The following ZBTB11 variants were observed in gnomAD, a reference collection of about 807,000 sequenced individuals.
ZBTB11 encodes the protein zinc finger and BTB domain containing 11.
ZBTB11 carries 68 observed loss-of-function variants against 113.1 expected under a neutral mutation model. The observed-to-expected ratio is 0.60, with a 90% CI of 0.49 to 0.74. The LOEUF (loss-of-function observed/expected upper bound fraction) is 0.74. ZBTB11 is among the 30% of genes least tolerant of loss of function. The pLI, the probability that ZBTB11 is intolerant of heterozygous loss-of-function variation, is 0.00. For synonymous variants in ZBTB11, 518 were observed against 452.6 expected (o/e 1.14, Z -1.83); for missense variants, 1,104 against 1,279.4 (o/e 0.86, Z 2.09).
chr3:101,676,678 G>A lies in ZBTB11; in HGVS notation c.237C>T (p.His79=). The change falls in exon 1 of 11, where the codon CAC becomes CAT. Residue 79 remains histidine (H), a synonymous_variant. Transcript: ENST00000312938. ...TGTGGTGAGTGCCGCCGGGACCCAG[G>A]TGCGCCGCCTCGATGAGGTCCCGGC... ...ERRRDLIEAA[H]LGPGGTHHTR... 3 of 1,594,986 alleles carry A rather than the reference G, an allele frequency of 1.9e-6. No individual in the cohort carries two copies. The highest frequency in any genetic ancestry group is 2.6e-6 in the Non-Finnish European group (3 of 1,169,382).
At chr3:101,672,474 C>T (rs1021399406) in intron 1 of ZBTB11, among the ~76,000 whole-genome samples, 13 of 152,152 alleles carry the variant, frequency 8.5e-5, no homozygotes. Flanking sequence ...CTATATAGCT[C>T]CACCCATTTT....
At position 101,676,978 on chromosome 3, in the gene ZBTB11, C is replaced by T; in HGVS notation, c.-64G>A. ...GGTGAGGAAAACGGCCCGCTACCTA[C>T]GGGCGGCTGCAGGAGGAGCGGCGGC... On this transcript the variant is annotated 5_prime_UTR_variant, in exon 1 of 11. Coordinates refer to ENST00000312938, the MANE Select transcript of ZBTB11 (RefSeq NM_014415.4). 2.7e-6 allele frequency: 4 copies of T among 1,479,906 alleles called. No individual in the cohort carries two copies. The highest frequency in any genetic ancestry group is 3.6e-6 in the Non-Finnish European group (4 of 1,114,160). The allele number at this position is 1,479,906 out of a possible 1,614,324, so 91.7% of individuals were successfully genotyped here.
chr3:101,658,522 C>A (rs537031056), intron 6 of ZBTB11, among the ~76,000 whole-genome samples: 62 of 152,004 alleles, frequency 4.1e-4, no homozygotes, highest in Non-Finnish European at 7.7e-4. Context: ...CTGTACCCGG[C>A]CAATTAATTA....
intron 1 of ZBTB11, among the ~76,000 whole-genome samples, chr3:101,676,245 C>T (rs996288234): frequency 1.3e-5 from 2 of 151,984 alleles, no homozygotes. Flanking sequence ...GCAGCCTCCA[C>T]TGCCGCGAGC....
At chr3:101,676,523 T>A in intron 1 of ZBTB11, 82 bp downstream of exon 1, 1 of 1,357,030 alleles carries the variant, frequency 7.4e-7, no homozygotes, top group Non-Finnish European at 9.6e-7. Flanking sequence ...CTCCGACTCG[T>A]GGGTACGCAT....
intron 3 of ZBTB11, among the ~76,000 whole-genome samples, chr3:101,668,134 G>A (rs982619148): frequency 3.0e-5 from 3 of 101,638 alleles, no homozygotes; most frequent in South Asian, 3.3e-4. Flanking sequence ...CACTCATATG[G>A]GGGAGCTAAA....
In ZBTB11 at chr3:101,665,098, C is replaced by T; in HGVS notation, c.1489G>A (p.Gly497Ser). ...CTTCTATAAGTATCATCATCAGGGC[C>T]AAAGTCTGTCTTTGCTGTTGATGCA... ...LVASTAKTDF[G>S]PDDDTYRSRL... The change falls in exon 4 of 11, where the codon GGC becomes AGC. Residue 497 changes from glycine (G) to serine (S), a missense_variant. Gly to Ser is a moderately conservative substitution (Grantham distance 56). Coordinates refer to ENST00000312938, the MANE Select transcript of ZBTB11 (RefSeq NM_014415.4). The T allele has an allele frequency of 6.2e-7, 1 of 1,614,128 alleles. No individual in the cohort carries two copies. Among genetic ancestry groups the T allele is most frequent in the South Asian group, 1.1e-5 (1 of 91,080 alleles).
rs750002917 is a variant in ZBTB11 at position 101,676,892 on chromosome 3, C to T, written c.23G>A (p.Arg8Gln). The change falls in exon 1 of 11, where the codon CGG becomes CAG. Residue 8 changes from arginine to glutamine, a missense_variant. This residue lies in a region of ZBTB11 where 245 missense variants were observed against 272.5 expected (regional missense o/e 0.90). Coordinates refer to ENST00000312938, the MANE Select transcript of ZBTB11 (RefSeq NM_014415.4). MSSEESY[R>Q]AILRYLTNER... is the part of the protein sequence containing the mutation. ...GTTCGTCAGGTAACGCAGGATGGCC[C>T]GGTAGCTTTCCTCGCTTGACATCGC... 6.3e-7 allele frequency: 1 copy of T among 1,582,746 alleles called. No individual in the cohort carries two copies. Among genetic ancestry groups the T allele is most frequent in the Non-Finnish European group, 8.6e-7 (1 of 1,160,392 alleles).
In ZBTB11 at chr3:101,672,015, G is replaced by T; in HGVS notation, c.509C>A (p.Ala170Glu). Residue 170 changes from alanine to glutamate, a missense_variant, in exon 2 of 11, where the codon GCA (alanine) becomes GAA (glutamate). By Grantham distance (107) the Ala-to-Glu change is moderately radical. This residue lies in a region of ZBTB11 where 245 missense variants were observed against 272.5 expected (regional missense o/e 0.90). Coordinates refer to ENST00000312938, the MANE Select transcript of ZBTB11 (RefSeq NM_014415.4). Reference sequence around the variant, plus strand: ...ATGTTTGGATACTGGCTTCTTTTTTGCAGGCTTGGATGCTGTAGTTGGAGA... The same window carrying T: ...ATGTTTGGATACTGGCTTCTTTTTTTCAGGCTTGGATGCTGTAGTTGGAGA... Reference protein sequence around the residue: ...TSSPTTASKPAKKKPVSKHEL... With the variant: ...TSSPTTASKPEKKKPVSKHEL... The T allele has an allele frequency of 6.2e-7, 1 of 1,614,036 alleles. No homozygotes were observed. Among genetic ancestry groups the T allele is most frequent in the Non-Finnish European group, 8.5e-7 (1 of 1,179,962 alleles).
At chr3:101,657,686 T>TA (rs1199293621) in intron 6 of ZBTB11, among the ~76,000 whole-genome samples, 1 of 151,798 alleles carries the variant, frequency 6.6e-6, no homozygotes, top group Non-Finnish European at 1.5e-5. Context: ...AAGAGAAATA[T>TA]AAAAAACCTC....
At chr3:101,676,498 G>T in intron 1 of ZBTB11, 107 bp downstream of exon 1, 1 of 1,201,188 alleles carries the variant, frequency 8.3e-7, no homozygotes, top group Non-Finnish European at 1.1e-6. Context: ...CCGCCGCCCA[G>T]AGGCGTCCGA....
rs1559980835 is a variant in ZBTB11 at position 101,651,465 on chromosome 3, G to A, written c.2863C>T (p.His955Tyr). 2 of 1,614,142 alleles carry A rather than the reference G, an allele frequency of 1.2e-6. No homozygotes were observed. The highest frequency in any genetic ancestry group is 1.7e-6 in the Non-Finnish European group (2 of 1,180,020). ...TGTGCCACTTGAGTTCCTTGGTTAT[G>A]AAACTGAAGGGTGTCTTTTTCCAGC... ...IMLEKDTLQF[H>Y]NQGTQVAHAV... The change falls in exon 11 of 11, where the codon CAT becomes TAT. Residue 955 changes from histidine (H) to tyrosine (Y), a missense_variant. By Grantham distance (83) the His-to-Tyr change is moderately conservative. Around this residue, in one of 5 missense-constraint regions of ZBTB11, gnomAD observed 148 missense variants for 259.3 expected, o/e 0.57. Transcript: ENST00000312938.
At chr3:101,671,758 T>A in intron 2 of ZBTB11, 1 of 601,778 alleles carries the variant, frequency 1.7e-6, no homozygotes, top group Non-Finnish European at 2.9e-6. Context: ...GGGAGGATAA[T>A]TAACAACAAA....
chr3:101,656,309 T>G, intron 6 of ZBTB11, 61 bp from the exon 7 acceptor site: 1 of 1,073,656 alleles, frequency 9.3e-7, no homozygotes, highest in East Asian at 3.0e-5. Context: ...TTCTGAACAA[T>G]GAAGACAGAG....
rs763057680 is a variant in ZBTB11, at chr3:101,652,682, G to A, written c.2469-11C>T. On this transcript the variant is annotated splice_polypyrimidine_tract_variant and intron_variant, in intron 9 of 10. Coordinates refer to ENST00000312938, the MANE Select transcript of ZBTB11 (RefSeq NM_014415.4). The stretch of plus-strand genomic sequence containing the variant: ...CCACATATATTACACCTAAAATAGG[G>A]GAAAAGACCCAATTATTTTGTCCAA... 1.5e-5 allele frequency: 24 copies of A among 1,612,274 alleles called. No individual in the cohort carries two copies. Among genetic ancestry groups the A allele is most frequent in the Admixed American group, 1.2e-4 (7 of 59,640 alleles).
chr3:101,665,277 A>G lies in ZBTB11; in HGVS notation c.1310T>C (p.Ile437Thr), dbSNP rs1248848572. 1.9e-6 allele frequency: 3 copies of G among 1,614,228 alleles called. No homozygotes were observed. Among genetic ancestry groups the G allele is most frequent in the South Asian group, 1.1e-5 (1 of 91,088 alleles). ...ATTCTCTTTTGAAAGTTTAGGGTGT[A>G]TATTAGAAACTGTGTTATTTTCTCT... ...NNRENNTVSN[I>T]HPKLSKENVI... The change falls in exon 4 of 11, where the codon ATA (isoleucine) becomes ACA (threonine). Residue 437 changes from isoleucine (I) to threonine (T), a missense_variant. This residue lies in a region of ZBTB11 where 535 missense variants were observed against 518.6 expected (regional missense o/e 1.03). Transcript: ENST00000312938.
rs1936651357 is a variant in ZBTB11 at position 101,649,047 on chromosome 3, C to T, written c.*2119G>A. 1 of 152,302 alleles carries T rather than the reference C, an allele frequency of 6.6e-6. No homozygotes were observed. 9.4% of individuals were successfully genotyped at this position (152,302 alleles called of 1,614,324 possible). ...CTCTCCAACCGTCCCCAGCTGAACT[C>T]CTCTGGACGTTTAGATGCTCCTCTC... On this transcript the variant is annotated 3_prime_UTR_variant, in exon 11 of 11. Coordinates refer to ENST00000312938, the MANE Select transcript of ZBTB11 (RefSeq NM_014415.4).
rs1358862947 is a variant in ZBTB11 at position 101,651,077 on chromosome 3, C to T, written c.*89G>A. The T allele has an allele frequency of 7.0e-7, 1 of 1,438,050 alleles. No homozygotes were observed. The highest frequency in any genetic ancestry group is 1.4e-5 in the African/African-American group (1 of 69,920). The allele number at this position is 1,438,050 out of a possible 1,614,324, so 89.1% of individuals were successfully genotyped here. On this transcript the variant is annotated 3_prime_UTR_variant, in exon 11 of 11. Coordinates refer to ENST00000312938, the MANE Select transcript of ZBTB11 (RefSeq NM_014415.4). ...GCCCAGAACTTTGATATGTAAACTC[C>T]AAGCAGACAGTCACACAGAATTGTA...
chr3:101,662,176 T>G (rs756131012), intron 5 of ZBTB11: 1 of 150,582 alleles, frequency 6.6e-6, no homozygotes, highest in Non-Finnish European at 1.5e-5. Flanking sequence ...ATATGACATT[T>G]AAAAATTTTT....
Sources: allele counts gnomAD v4.1 joint callset (sites outside exome capture counted in the v4.1 genomes callset), GRCh38; gene constraint gnomAD v4.1.1; regional missense constraint gnomAD v4.1.1; transcripts MANE v1.5; gene names NCBI Gene and HGNC (gene_info 2026-07-23, HGNC 2026-07-21).